The following STAG1 variants were observed in gnomAD, a reference collection of about 807,000 sequenced individuals.
The protein encoded by STAG1 is cohesin subunit SA-1.
STAG1 carries 26 observed loss-of-function variants against 170.9 expected under a neutral mutation model. The ratio of observed to expected loss-of-function variants is 0.15; its 90% confidence interval spans 0.11 to 0.21. The LOEUF is 0.21. STAG1 is among the 10% of genes least tolerant of loss of function. STAG1 has a pLI of 1.00. For missense variants in STAG1, 964 were observed against 1,509.5 expected (o/e 0.64, Z 5.99); for synonymous variants, 514 against 497.7 (o/e 1.03, Z -0.44).
At chr3:136,502,806 C>A (rs370544081) in intron 7 of STAG1, 27 bp from the exon 8 acceptor site, 1 of 1,517,678 alleles carries the variant, frequency 6.6e-7, no homozygotes, top group South Asian at 1.4e-5. Flanking sequence ...TATTATAATA[C>A]CTATGAATCA....
chr3:136,489,713 GAGAA>G (rs2090085726), intron 9 of STAG1, among the ~76,000 whole-genome samples: 1 of 152,144 alleles, frequency 6.6e-6, no homozygotes, highest in South Asian at 2.1e-4. Flanking sequence ...ATAGCATAGG[GAGAA>G]AGAAATAGCT....
intron 4 of STAG1, among the ~76,000 whole-genome samples, chr3:136,602,399 G>A (rs983124390): frequency 6.7e-6 from 1 of 150,210 alleles, no homozygotes; most frequent in Non-Finnish European, 1.5e-5. Context: ...AAAAAAAAGA[G>A]AGAGAGAGAA....
intron 1 of STAG1, among the ~76,000 whole-genome samples, chr3:136,716,974 T>C (rs781645389): frequency 3.3e-5 from 5 of 152,248 alleles, no homozygotes; most frequent in Non-Finnish European, 7.3e-5. Flanking sequence ...TTTGGAATGA[T>C]AACAACAACA....
chr3:136,640,069 A>G (rs1296646675), intron 1 of STAG1, among the ~76,000 whole-genome samples: 1 of 152,212 alleles, frequency 6.6e-6, no homozygotes, highest in African/African-American at 2.4e-5. Context: ...ATATGTACCT[A>G]TTGAGTTTGA....
chr3:136,664,376 C>T (rs1941683603), intron 1 of STAG1, among the ~76,000 whole-genome samples: 1 of 152,086 alleles, frequency 6.6e-6, no homozygotes, highest in Non-Finnish European at 1.5e-5. Context: ...GTGAAGAGCT[C>T]TTGAGGTAGA....
chr3:136,378,341 A>T lies in STAG1; in HGVS notation c.2278-589T>A, dbSNP rs74450051. On this transcript the variant is annotated intron_variant, in intron 22 of 33. Transcript: ENST00000383202. ...GGCTTTAATCTAAGGTTGGATGGGT[A>T]AATAGATTTAATTAGATGGCCAGAT... Among the ~76,000 whole-genome samples the T allele has an allele frequency of 1.9e-3, 283 of 152,348 alleles. 2 individuals are homozygous for T. The highest frequency in any genetic ancestry group is 0.01 in the Middle Eastern group (3 of 294).
At chr3:136,643,300 G>C (rs1463705299) in intron 1 of STAG1, among the ~76,000 whole-genome samples, 2 of 152,192 alleles carry the variant, frequency 1.3e-5, no homozygotes, top group Non-Finnish European at 1.5e-5. Context: ...TAAATTAGAT[G>C]AAATTCCTGT....
In STAG1 at chr3:136,354,754, C is replaced by CAAAAAAAAAAAAAAAAAAAAAAAAAAAA; in HGVS notation, c.3065+2965_3065+2966insTTTTTTTTTTTTTTTTTTTTTTTTTTTT. Among the ~76,000 whole-genome samples the CAAAAAAAAAAAAAAAAAAAAAAAAAAAA allele has an allele frequency of 1.1e-3, 7 of 6,510 alleles. 1 individual carries two copies. Among genetic ancestry groups the CAAAAAAAAAAAAAAAAAAAAAAAAAAAA allele is most frequent in the African/African-American group, 1.4e-3 (2 of 1,388 alleles). 4.3% of individuals were successfully genotyped at this position (6,510 alleles called of 152,430 possible). A position where few individuals can be genotyped will look rare whatever the true frequency, so the allele number is the denominator to read the frequency against. On this transcript the variant is annotated intron_variant, in intron 28 of 33. Transcript: ENST00000383202. ...AAGAAGGCAGTAAAGGAGAAAGAAC[C>CAAAAAAAAAAAAAAAAAAAAAAAAAAAA]AAAAAAAAAAAAAACCAAAAAACAA... is the stretch of plus-strand genomic sequence containing the variant.
At chr3:136,500,883 T>C (rs568250302) in intron 8 of STAG1, among the ~76,000 whole-genome samples, 29 of 152,302 alleles carry the variant, frequency 1.9e-4, no homozygotes, top group African/African-American at 7.0e-4. Flanking sequence ...ACAAAACTGA[T>C]CAGAGTTAAA....
chr3:136,633,893 G>A lies in STAG1; in HGVS notation c.-83-2912C>T, dbSNP rs1012366016. Among the ~76,000 whole-genome samples the A allele has an allele frequency of 3.5e-5, 5 of 144,416 alleles. 1 individual carries two copies. In the South Asian group the frequency reaches 8.9e-4, roughly 26 times the overall value. 94.7% of individuals were successfully genotyped at this position (144,416 alleles called of 152,430 possible). ...AATCCCAGCACTTTGGGAGGCTGAG[G>A]CGGGCGAATCACTTGAGGTCAAGAG... On this transcript the variant is annotated intron_variant, in intron 1 of 33. Transcript: ENST00000383202.
At chr3:136,338,674 A>G (rs1046735346) in intron 32 of STAG1, among the ~76,000 whole-genome samples, 1 of 152,244 alleles carries the variant, frequency 6.6e-6, no homozygotes, top group African/African-American at 2.4e-5. Context: ...CAAAACTTTC[A>G]AACTATCATG....
At position 136,654,538 on chromosome 3, in the gene STAG1, T is replaced by C. The variant is rs1192154854; in HGVS notation, c.-83-23557A>G. ...TTTTTGGATTGGGAGACAATCTTTTTAAATGTATCAATACTACCAAAAGCA... is the reference window on the plus strand; with the variant it reads ...TTTTTGGATTGGGAGACAATCTTTTCAAATGTATCAATACTACCAAAAGCA... On this transcript the variant is annotated intron_variant, in intron 1 of 33. Transcript: ENST00000383202. Among the ~76,000 whole-genome samples, 3 of 152,184 alleles carry C rather than the reference T, an allele frequency of 2.0e-5. No homozygotes were observed. The East Asian group carries it at 5.8e-4, about 29-fold the overall frequency.
At position 136,673,192 on chromosome 3, in the gene STAG1, T is replaced by C. The variant is rs141525223; in HGVS notation, c.-83-42211A>G. On this transcript the variant is annotated intron_variant, in intron 1 of 33. Transcript: ENST00000383202. ...AATTTCTAGAAGCAGCAAAGTTGAATTTGGGCCACTTAAATCTGTAAACTG... is the reference window on the plus strand; with the variant it reads ...AATTTCTAGAAGCAGCAAAGTTGAACTTGGGCCACTTAAATCTGTAAACTG... 3.3e-3 allele frequency among the ~76,000 whole-genome samples: 506 copies of C among 152,334 alleles called. 9 individuals are homozygous for C. In the East Asian group the frequency reaches 0.048, roughly 14 times the overall value.
At chr3:136,540,005 A>G (rs549805726) in intron 6 of STAG1, among the ~76,000 whole-genome samples, 1 of 152,202 alleles carries the variant, frequency 6.6e-6, no homozygotes, top group Non-Finnish European at 1.5e-5. Context: ...GATTCTTGGG[A>G]CCCAATGGTT....
intron 15 of STAG1, among the ~76,000 whole-genome samples, chr3:136,442,691 CT>C (rs1342823992): frequency 7.9e-6 from 1 of 126,512 alleles, no homozygotes. Flanking sequence ...TCTGGATGTA[CT>C]TAAAAAAAAA....
At chr3:136,392,571 C>T (rs1459576340) in intron 22 of STAG1, among the ~76,000 whole-genome samples, 1 of 151,968 alleles carries the variant, frequency 6.6e-6, no homozygotes, top group Non-Finnish European at 1.5e-5. Flanking sequence ...TCGAGACCAT[C>T]CTGGCTAACA....
intron 4 of STAG1, among the ~76,000 whole-genome samples, chr3:136,571,378 G>A (rs2107765168): frequency 6.6e-6 from 1 of 152,282 alleles, no homozygotes; most frequent in Non-Finnish European, 1.5e-5. Flanking sequence ...AGACAAGCCT[G>A]AGCAGCATGA....
At chr3:136,682,418 C>G (rs1270864460) in intron 1 of STAG1, among the ~76,000 whole-genome samples, 1 of 149,792 alleles carries the variant, frequency 6.7e-6, no homozygotes, top group South Asian at 2.1e-4. Context: ...GAGTGGGACT[C>G]TGTTTCACAA....
chr3:136,518,642 T>C (rs2107900127), intron 7 of STAG1, among the ~76,000 whole-genome samples: 1 of 152,252 alleles, frequency 6.6e-6, no homozygotes, highest in East Asian at 1.9e-4. Flanking sequence ...AACCATTAAT[T>C]AGTGTAGACA....
Sources: allele counts gnomAD v4.1 joint callset (sites outside exome capture counted in the v4.1 genomes callset), GRCh38; gene constraint gnomAD v4.1.1; transcripts MANE v1.5; gene names NCBI Gene and HGNC (gene_info 2026-07-23, HGNC 2026-07-21).